Variants in PEX5L observed in about 807,000 individuals in gnomAD.
PEX5L encodes peroxisomal biogenesis factor 5 like.
A neutral mutation model predicts 84.0 loss-of-function variants in PEX5L; 30 were observed. That is an observed-to-expected ratio of 0.36 (90% CI 0.27 to 0.48). The LOEUF (loss-of-function observed/expected upper bound fraction) is 0.48. PEX5L is among the 20% of genes least tolerant of loss of function. PEX5L has a pLI of 0.99. For missense variants in PEX5L, 533 were observed against 754.6 expected, an observed-to-expected ratio of 0.71 and a Z score of 3.44; for synonymous variants, 270 against 283.1, an observed-to-expected ratio of 0.95 and a Z score of 0.46.
intron 1 of PEX5L, among the ~76,000 whole-genome samples, chr3:180,006,471 G>A (rs1285565489): frequency 1.3e-5 from 2 of 152,068 alleles, no homozygotes; most frequent in African/African-American, 2.4e-5. Context: ...GCTTTTAAAA[G>A]TGTCAAAGTT....
intron 1 of PEX5L, among the ~76,000 whole-genome samples, chr3:180,020,132 C>G (rs545550775): frequency 6.6e-6 from 1 of 152,264 alleles, no homozygotes; most frequent in South Asian, 2.1e-4. Context: ...TCTTCTCAGT[C>G]AAATAACGCC....
chr3:179,894,736 G>T (rs916502895), intron 3 of PEX5L, among the ~76,000 whole-genome samples: 1 of 151,908 alleles, frequency 6.6e-6, no homozygotes, highest in Admixed American at 6.6e-5. Flanking sequence ...GATATAATGG[G>T]TGATGACAGA....
At chr3:179,817,039 C>T (rs1315778190) in intron 9 of PEX5L, among the ~76,000 whole-genome samples, 3 of 152,080 alleles carry the variant, frequency 2.0e-5, no homozygotes, top group East Asian at 1.9e-4. Context: ...ACCCATACCC[C>T]GAAATATGAA....
At chr3:179,863,977 T>A (rs1747224294) in intron 7 of PEX5L, among the ~76,000 whole-genome samples, 1 of 152,026 alleles carries the variant, frequency 6.6e-6, no homozygotes, top group Admixed American at 6.6e-5. Context: ...TCTCATGGGA[T>A]CTGATGGTAT....
intron 2 of PEX5L, among the ~76,000 whole-genome samples, chr3:179,917,027 T>C (rs1767399155): frequency 8.2e-6 from 1 of 121,698 alleles, no homozygotes; most frequent in Non-Finnish European, 1.8e-5. Context: ...ACAAACACAT[T>C]GTATGGCTGT....
chr3:179,849,309 C>T (rs913564768), intron 8 of PEX5L, among the ~76,000 whole-genome samples: 3 of 152,084 alleles, frequency 2.0e-5, no homozygotes, highest in African/African-American at 7.2e-5. Flanking sequence ...TGTGAAATCG[C>T]CAGTTTGAAG....
At chr3:179,949,357 G>C (rs1778468338) in intron 2 of PEX5L, among the ~76,000 whole-genome samples, 1 of 151,960 alleles carries the variant, frequency 6.6e-6, no homozygotes, top group South Asian at 2.1e-4. Flanking sequence ...TTTTTGTCTT[G>C]CCTTTGTTTT....
chr3:180,003,816 G>C (rs6770956), intron 1 of PEX5L, among the ~76,000 whole-genome samples: 6,212 of 152,198 alleles, frequency 0.041, 418 homozygotes, highest in African/African-American at 0.14. Context: ...TGATATTAAA[G>C]AATAAATAAA....
chr3:179,831,634 G>A (rs911201483), intron 8 of PEX5L, among the ~76,000 whole-genome samples: 4 of 152,194 alleles, frequency 2.6e-5, no homozygotes, highest in Admixed American at 2.6e-4. Context: ...GCTGGGGTAA[G>A]GGGGAGGAAA....
intron 2 of PEX5L, among the ~76,000 whole-genome samples, chr3:179,933,319 T>C (rs1190851498): frequency 6.6e-6 from 1 of 152,238 alleles, no homozygotes; most frequent in Admixed American, 6.5e-5. Context: ...AAGTGCTATA[T>C]GCACATGTGC....
chr3:179,879,631 C>A (rs1336178515), intron 5 of PEX5L, among the ~76,000 whole-genome samples: 1 of 152,190 alleles, frequency 6.6e-6, no homozygotes, highest in Non-Finnish European at 1.5e-5. Context: ...TCCTACAGAG[C>A]AAGATGCACA....
chr3:179,944,627 A>C (rs1777037030), intron 2 of PEX5L, among the ~76,000 whole-genome samples: 2 of 152,206 alleles, frequency 1.3e-5, no homozygotes, highest in African/African-American at 4.8e-5. Flanking sequence ...TGTTCTTTTA[A>C]ATGACCTTAT....
Position 179,907,716 on chromosome 3 carries a change from T to C in PEX5L, c.94-9470A>G, listed in dbSNP as rs143347570. 5.2e-3 allele frequency among the ~76,000 whole-genome samples: 795 copies of C among 152,346 alleles called. 7 individuals are homozygous for C. The highest frequency in any genetic ancestry group is 0.018 in the African/African-American group (747 of 41,578). Reference sequence around the variant, plus strand: ...ATCCAGATGTCATAAGGTAGAATTATACTATATCATTTTTATTCCAGAGGA... The same window carrying C: ...ATCCAGATGTCATAAGGTAGAATTACACTATATCATTTTTATTCCAGAGGA... On this transcript the variant is annotated intron_variant, in intron 2 of 14. Transcript: ENST00000467460.
chr3:179,899,492 A>G (rs1760552602), intron 2 of PEX5L, among the ~76,000 whole-genome samples: 1 of 152,142 alleles, frequency 6.6e-6, no homozygotes, highest in South Asian at 2.1e-4. Flanking sequence ...CTCAGAACTT[A>G]ATAAAGCTTG....
At chr3:179,923,015 C>T (rs1379636359) in intron 2 of PEX5L, among the ~76,000 whole-genome samples, 1 of 151,948 alleles carries the variant, frequency 6.6e-6, no homozygotes, top group Non-Finnish European at 1.5e-5. Flanking sequence ...GTGGGCCAGG[C>T]ACAGTGGCTC....
intron 4 of PEX5L, among the ~76,000 whole-genome samples, chr3:179,881,809 T>G (rs1754245930): frequency 6.6e-6 from 1 of 152,186 alleles, no homozygotes; most frequent in Non-Finnish European, 1.5e-5. Context: ...TAAAGTGGCC[T>G]GAAAGTGTCA....
intron 7 of PEX5L, among the ~76,000 whole-genome samples, chr3:179,865,751 C>T (rs61554920): frequency 0.011 from 1,608 of 152,202 alleles, 25 homozygotes; most frequent in African/African-American, 0.038. Context: ...ATTGCTAGGC[C>T]CCACCTCCGG....
chr3:179,806,010 G>A (rs941364470), intron 14 of PEX5L, among the ~76,000 whole-genome samples: 54 of 148,450 alleles, frequency 3.6e-4, no homozygotes, highest in African/African-American at 1.3e-3. Context: ...AATATACATA[G>A]TATATATATA....
intron 7 of PEX5L, among the ~76,000 whole-genome samples, chr3:179,863,968 C>T (rs747628094): frequency 9.2e-5 from 14 of 152,020 alleles, no homozygotes; most frequent in Non-Finnish European, 1.3e-4. Context: ...GTGAATAAGT[C>T]TCATGGGATC....
Sources: gnomAD v4.1 joint callset for allele counts (sites outside exome capture counted in the v4.1 genomes callset) on GRCh38, gnomAD v4.1.1 for gene constraint, MANE v1.5 for transcripts, NCBI Gene and HGNC (gene_info 2026-07-23, HGNC 2026-07-21) for gene names.